DNM3: variants seen among roughly 807,000 people sequenced by gnomAD.
DNM3 encodes dynamin-3.
In DNM3, 47 loss-of-function variants were observed where a neutral mutation model predicts 101.6. That is an observed-to-expected ratio of 0.46 (90% CI 0.37 to 0.59). The LOEUF (loss-of-function observed/expected upper bound fraction) is 0.59. DNM3 is among the 20% of genes least tolerant of loss of function. DNM3 has a pLI of 0.00. For synonymous variants in DNM3, 385 were observed against 387.9 expected, an observed-to-expected ratio of 0.99 and a Z score of 0.09; for missense variants, 849 against 1,085.7, an observed-to-expected ratio of 0.78 and a Z score of 3.06.
intron 10 of DNM3, among the ~76,000 whole-genome samples, chr1:172,057,791 G>A (rs995848560): frequency 4.0e-5 from 6 of 151,286 alleles, no homozygotes; most frequent in Admixed American, 6.6e-5. Flanking sequence ...ATCAACTAAC[G>A]AGCAAAATAA....
At chr1:172,087,988 T>C (rs2053649571) in intron 12 of DNM3, among the ~76,000 whole-genome samples, 1 of 152,230 alleles carries the variant, frequency 6.6e-6, no homozygotes, top group Non-Finnish European at 1.5e-5. Flanking sequence ...CACATGCCTA[T>C]GATATGCTTC....
intron 14 of DNM3, among the ~76,000 whole-genome samples, chr1:172,160,627 T>G (rs1480955908): frequency 1.3e-5 from 2 of 152,012 alleles, no homozygotes; most frequent in African/African-American, 4.8e-5. Flanking sequence ...TCCTCTGGAA[T>G]GCCTTTTCCA....
chr1:172,232,803 A>G lies in DNM3; in HGVS notation c.1660-20770A>G, dbSNP rs185065649. 8.0e-3 allele frequency among the ~76,000 whole-genome samples: 1,213 copies of G among 152,350 alleles called. 18 individuals carry two copies. The highest frequency in any genetic ancestry group is 0.027 in the African/African-American group (1,123 of 41,572). ...CTGAATGACTACTGGGTACATAATGAAATGAAGGCAGAAGTAAAGATGTTC... is the reference window on the plus strand; with the variant it reads ...CTGAATGACTACTGGGTACATAATGGAATGAAGGCAGAAGTAAAGATGTTC... On this transcript the variant is annotated intron_variant, in intron 14 of 20. Coordinates refer to ENST00000627582, the MANE Select transcript of DNM3 (RefSeq NM_015569.5).
chr1:171,973,051 C>A (rs2044127848), intron 2 of DNM3, among the ~76,000 whole-genome samples: 1 of 152,028 alleles, frequency 6.6e-6, no homozygotes, highest in African/African-American at 2.4e-5. Context: ...ACCCCAGAAA[C>A]AAGAACCGCA....
intron 15 of DNM3, among the ~76,000 whole-genome samples, chr1:172,302,916 C>G (rs969578740): frequency 3.3e-5 from 5 of 152,144 alleles, no homozygotes; most frequent in African/African-American, 1.2e-4. Context: ...AACCACAAAG[C>G]TGGGGAGAAA....
chr1:172,215,666 T>TA (rs1382831818), intron 14 of DNM3, among the ~76,000 whole-genome samples: 1 of 151,994 alleles, frequency 6.6e-6, no homozygotes, highest in Non-Finnish European at 1.5e-5. Context: ...ATTTTTAAGG[T>TA]AAAACTATAA....
intron 14 of DNM3, among the ~76,000 whole-genome samples, chr1:172,148,043 C>A (rs553310596): frequency 6.6e-6 from 1 of 152,168 alleles, no homozygotes; most frequent in Admixed American, 6.5e-5. Context: ...AACATTATTT[C>A]ATCAGAGTCC....
At chr1:171,964,576 C>T (rs1317141441) in intron 2 of DNM3, among the ~76,000 whole-genome samples, 5 of 152,114 alleles carry the variant, frequency 3.3e-5, no homozygotes, top group African/African-American at 9.7e-5. Context: ...CACATGTTCT[C>T]AGGATCTCCT....
At chr1:172,341,500 A>G (rs2066685202) in intron 17 of DNM3, among the ~76,000 whole-genome samples, 1 of 152,242 alleles carries the variant, frequency 6.6e-6, no homozygotes, top group African/African-American at 2.4e-5. Flanking sequence ...GCAGGGCTAC[A>G]GTCATCAAAA....
In DNM3 at chr1:171,989,157, G is replaced by T. The variant is rs771459806; in HGVS notation, c.589+9G>T. ...AGAAGTTGATCCTCAAGGTGAGTGT[G>T]TGACTACTAAGATGAGAAGGAATTA... On this transcript the variant is annotated intron_variant, in intron 4 of 20. Transcript: ENST00000627582. 6.2e-7 allele frequency: 1 copy of T among 1,611,262 alleles called. No homozygotes were observed.
chr1:172,076,096 C>G (rs778114090), intron 11 of DNM3, among the ~76,000 whole-genome samples: 30 of 152,164 alleles, frequency 2.0e-4, no homozygotes, highest in Non-Finnish European at 3.8e-4. Context: ...GGAGTTCGCT[C>G]ATGATTTGGC....
In DNM3 at chr1:172,323,377, C is replaced by G. The variant is rs74124053; in HGVS notation, c.1893+37C>G. The G allele has an allele frequency of 1.3e-3, 2,073 of 1,599,054 alleles. 25 individuals carry two copies. In the African/African-American group the frequency reaches 0.025, roughly 19 times the overall value. ...GTCCTCTTGCAGCTCTTCTGTCCCC[C>G]CAGCCCCTGCTCCGCTCCTGCATGT... On this transcript the variant is annotated intron_variant, in intron 17 of 20. Transcript: ENST00000627582.
intron 1 of DNM3, among the ~76,000 whole-genome samples, chr1:171,901,319 A>G (rs994566110): frequency 6.6e-6 from 1 of 152,124 alleles, no homozygotes; most frequent in Admixed American, 6.5e-5. Flanking sequence ...AGAAGACAGC[A>G]CGGAGAGACA....
chr1:172,236,582 G>A (rs2061553899), intron 14 of DNM3, among the ~76,000 whole-genome samples: 1 of 152,024 alleles, frequency 6.6e-6, no homozygotes, highest in South Asian at 2.1e-4. Context: ...TAGAGCAAGT[G>A]AGGAAAGGAG....
At chr1:172,193,628 A>T (rs904450744) in intron 14 of DNM3, among the ~76,000 whole-genome samples, 1 of 151,920 alleles carries the variant, frequency 6.6e-6, no homozygotes, top group East Asian at 1.9e-4. Flanking sequence ...TTTCCTCTAG[A>T]TTTTCTAGTT....
chr1:172,308,298 T>C (rs2064931617), intron 15 of DNM3, among the ~76,000 whole-genome samples: 1 of 152,196 alleles, frequency 6.6e-6, no homozygotes, highest in Non-Finnish European at 1.5e-5. Context: ...TCTGGCATTG[T>C]CTTTTAGGTT....
intron 4 of DNM3, among the ~76,000 whole-genome samples, chr1:171,994,988 A>T (rs2045897971): frequency 6.6e-6 from 1 of 151,578 alleles, no homozygotes; most frequent in Non-Finnish European, 1.5e-5. Flanking sequence ...TCTGATTTTC[A>T]TCATGACTGT....
intron 1 of DNM3, among the ~76,000 whole-genome samples, chr1:171,860,929 T>C (rs2034110120): frequency 1.3e-5 from 2 of 152,246 alleles, no homozygotes; most frequent in Admixed American, 6.5e-5. Flanking sequence ...AGGTATGGAT[T>C]TGGGCATGTT....
At chr1:172,067,829 CAT>C (rs974998905) in intron 10 of DNM3, among the ~76,000 whole-genome samples, 52 of 152,266 alleles carry the variant, frequency 3.4e-4, no homozygotes, top group African/African-American at 1.2e-3. Flanking sequence ...TACATATACA[CAT>C]ATATTTTCTG....
Sources: allele counts gnomAD v4.1 joint callset (sites outside exome capture counted in the v4.1 genomes callset), GRCh38; gene constraint gnomAD v4.1.1; transcripts MANE v1.5; gene names NCBI Gene and HGNC (gene_info 2026-07-23, HGNC 2026-07-21).